CEP83: variants seen among roughly 807,000 people sequenced by gnomAD.
The protein encoded by CEP83 is centrosomal protein 83.
In CEP83, 70 loss-of-function variants were observed where a neutral mutation model predicts 101.9. The observed-to-expected ratio is 0.69, with a 90% CI of 0.57 to 0.84. CEP83 has a LOEUF of 0.84. CEP83 is among the 40% of genes least tolerant of loss of function. CEP83 has a pLI of 0.00. For missense variants in CEP83, 715 were observed against 787.2 expected (o/e 0.91, Z 1.10); for synonymous variants, 264 against 267.9 (o/e 0.99, Z 0.14).
Position 94,443,893 on chromosome 12 carries a change from T to C in CEP83, c.-154-8566A>G, listed in dbSNP as rs375758157. On this transcript the variant is annotated intron_variant, in intron 1 of 16. Transcript: ENST00000397809. ...ACTATAAATTCCTCAAAGGAAAAACTACATATAATCTTCTACTGTTTTGTT... is the reference window on the plus strand; with the variant it reads ...ACTATAAATTCCTCAAAGGAAAAACCACATATAATCTTCTACTGTTTTGTT... 2.6e-5 allele frequency among the ~76,000 whole-genome samples: 4 copies of C among 152,212 alleles called. No individual in the cohort carries two copies. The East Asian group carries it at 7.7e-4, about 29-fold the overall frequency.
chr12:94,455,914 G>A (rs1346488464), intron 1 of CEP83, among the ~76,000 whole-genome samples: 1 of 152,080 alleles, frequency 6.6e-6, no homozygotes, highest in African/African-American at 2.4e-5. Flanking sequence ...AGGTGTGGTG[G>A]CATGCACCTG....
At chr12:94,392,154 C>T (rs906249063) in intron 6 of CEP83, among the ~76,000 whole-genome samples, 1 of 152,206 alleles carries the variant, frequency 6.6e-6, no homozygotes, top group Non-Finnish European at 1.5e-5. Flanking sequence ...TAGACATCTA[C>T]AGAACTGTCC....
chr12:94,354,029 C>G (rs937926194), intron 11 of CEP83, among the ~76,000 whole-genome samples: 2 of 152,068 alleles, frequency 1.3e-5, no homozygotes, highest in African/African-American at 4.8e-5. Flanking sequence ...AAGATAGACA[C>G]CAATGCAATA....
the CEP83 span, chr12:94,277,837 T>C: frequency 2.4e-6 from 1 of 417,902 alleles, no homozygotes; most frequent in South Asian, 1.7e-5. Flanking sequence ...CTTGAATGCA[T>C]GATCACATTT....
At position 94,348,503 on chromosome 12, in the gene CEP83, T is replaced by A. The variant is rs190413758; in HGVS notation, c.1344-12839A>T. 3.1e-3 allele frequency among the ~76,000 whole-genome samples: 466 copies of A among 152,150 alleles called. 2 individuals are homozygous for A. The highest frequency in any genetic ancestry group is 4.6e-3 in the Non-Finnish European group (310 of 68,000). Reference sequence around the variant, plus strand: ...TCTCTTATTCTATGCAACAACAAACTATTTCTCAAGCAGATTGTGACATGC... The same window carrying A: ...TCTCTTATTCTATGCAACAACAAACAATTTCTCAAGCAGATTGTGACATGC... On this transcript the variant is annotated intron_variant, in intron 11 of 16. Coordinates refer to ENST00000397809, the MANE Select transcript of CEP83 (RefSeq NM_016122.3).
At chr12:94,450,889 A>T (rs1309493625) in intron 1 of CEP83, among the ~76,000 whole-genome samples, 1 of 152,244 alleles carries the variant, frequency 6.6e-6, no homozygotes, top group African/African-American at 2.4e-5. Context: ...GAAAGAGCAT[A>T]GAACCAATTT....
intron 11 of CEP83, among the ~76,000 whole-genome samples, chr12:94,360,158 C>A (rs2060677726): frequency 6.6e-6 from 1 of 151,992 alleles, no homozygotes; most frequent in Non-Finnish European, 1.5e-5. Context: ...GACAAAACCA[C>A]AACTAACATC....
intron 6 of CEP83, among the ~76,000 whole-genome samples, chr12:94,380,071 C>CAAAAAAAAAAAA (rs11362391): frequency 6.4e-4 from 53 of 83,084 alleles, no homozygotes; most frequent in Middle Eastern, 5.9e-3. Context: ...CCCGGCCCTG[C>CAAAAAAAAAAAA]AAAAAAAAAA....
At chr12:94,396,415 A>G (rs1177301267) in intron 6 of CEP83, among the ~76,000 whole-genome samples, 2 of 150,946 alleles carry the variant, frequency 1.3e-5, no homozygotes, top group South Asian at 2.1e-4. Flanking sequence ...CAGCCTCCAG[A>G]GTAGCTGGGA....
chr12:94,270,369 A>G, the CEP83 span, among the ~76,000 whole-genome samples: 45,457 of 152,140 alleles, frequency 0.3, 7,541 homozygotes, highest in African/African-American at 0.45. Flanking sequence ...AGATCATATG[A>G]GTTTTAAGTC....
At chr12:94,272,082 C>A in the CEP83 span, 1 of 152,304 alleles carries the variant, frequency 6.6e-6, no homozygotes, top group Non-Finnish European at 1.5e-5. Context: ...CCTTTCCAGC[C>A]TGGCCCTCTT....
At chr12:94,275,068 G>A in the CEP83 span, among the ~76,000 whole-genome samples, 3 of 152,180 alleles carry the variant, frequency 2.0e-5, no homozygotes, top group Non-Finnish European at 2.9e-5. Context: ...CCCTCAGCTG[G>A]TGAGCAGCAG....
chr12:94,394,926 C>G (rs933735251), intron 6 of CEP83, among the ~76,000 whole-genome samples: 3 of 152,186 alleles, frequency 2.0e-5, no homozygotes, highest in Non-Finnish European at 4.4e-5. Flanking sequence ...AATGAGATAC[C>G]ATCTCACGCC....
At chr12:94,325,413 T>A (rs1209339536) in intron 14 of CEP83, among the ~76,000 whole-genome samples, 1 of 152,188 alleles carries the variant, frequency 6.6e-6, no homozygotes, top group African/African-American at 2.4e-5. Context: ...CCTCAGGTGA[T>A]CTGTCCGCCT....
chr12:94,304,125 T>A, downstream of CEP83: 1 of 957,810 alleles, frequency 1.0e-6, no homozygotes, highest in East Asian at 2.6e-5. Context: ...TCTGTCAGTT[T>A]CAGAACAGCT....
Position 94,400,989 on chromosome 12 carries a change from G to A in CEP83, c.418-8C>T, listed in dbSNP as rs1057120058. 3.0e-6 allele frequency: 4 copies of A among 1,338,490 alleles called. No individual in the cohort carries two copies. Among genetic ancestry groups the A allele is most frequent in the African/African-American group, 3.0e-5 (2 of 66,502 alleles). The allele number at this position is 1,338,490 out of a possible 1,614,324, so 82.9% of individuals were successfully genotyped here. ...TCTATACTTTTCTACCTCCTAAAGG[G>A]AGAATGCATTTATCATAGATTTATA... On this transcript the variant is annotated splice_polypyrimidine_tract_variant and splice_region_variant and intron_variant, in intron 5 of 16. Coordinates refer to ENST00000397809, the MANE Select transcript of CEP83 (RefSeq NM_016122.3).
At chr12:94,330,927 G>A (rs1220424519) in intron 14 of CEP83, among the ~76,000 whole-genome samples, 2 of 152,148 alleles carry the variant, frequency 1.3e-5, no homozygotes, top group African/African-American at 4.8e-5. Flanking sequence ...ACAGCAAAAT[G>A]TCATGCTTAT....
At chr12:94,437,656 A>G (rs993010998) in intron 1 of CEP83, among the ~76,000 whole-genome samples, 1 of 152,212 alleles carries the variant, frequency 6.6e-6, no homozygotes, top group Non-Finnish European at 1.5e-5. Context: ...AAAGAGCAAT[A>G]GAGTCTTTTT....
At chr12:94,315,392 G>A (rs933186977) in intron 14 of CEP83, among the ~76,000 whole-genome samples, 16 of 151,954 alleles carry the variant, frequency 1.1e-4, no homozygotes, top group African/African-American at 3.1e-4. Context: ...TCTTTGTGAC[G>A]TGTCCATCCT....
Sources: gnomAD v4.1 joint callset for allele counts (sites outside exome capture counted in the v4.1 genomes callset) on GRCh38, gnomAD v4.1.1 for gene constraint, MANE v1.5 for transcripts, NCBI Gene and HGNC (gene_info 2026-07-23, HGNC 2026-07-21) for gene names.